Variants in CCDC138 observed in about 807,000 individuals in gnomAD.
The protein encoded by CCDC138 is coiled-coil domain containing 138, also known as coiled-coil domain-containing protein 138.
A neutral mutation model predicts 82.3 loss-of-function variants in CCDC138; 66 were observed. The ratio of observed to expected loss-of-function variants is 0.80; its 90% CI spans 0.66 to 0.98. The LOEUF (loss-of-function observed/expected upper bound fraction) is 0.98, where lower values mean the gene tolerates loss of function less well. Ranked by LOEUF, CCDC138 falls within the 50% of genes least tolerant of loss-of-function variation. The pLI is 0.00. For missense variants in CCDC138, 816 were observed against 758.9 expected, an observed-to-expected ratio of 1.08 and a Z score of -0.88; for synonymous variants, 297 against 265.4, an observed-to-expected ratio of 1.12 and a Z score of -1.16.
chr2:108,819,816 CAA>C (rs1210317656), intron 10 of CCDC138, among the ~76,000 whole-genome samples: 1 of 151,956 alleles, frequency 6.6e-6, no homozygotes, highest in Non-Finnish European at 1.5e-5. Flanking sequence ...TTGATCAAAT[CAA>C]AGAAGAAAAC....
intron 14 of CCDC138, among the ~76,000 whole-genome samples, chr2:108,874,985 T>C (rs1321574008): frequency 6.6e-6 from 1 of 151,916 alleles, no homozygotes; most frequent in African/African-American, 2.4e-5. Flanking sequence ...TGTTTTACTA[T>C]TCATGATGTG....
At chr2:108,862,991 A>C (rs1693867890) in intron 13 of CCDC138, among the ~76,000 whole-genome samples, 1 of 152,160 alleles carries the variant, frequency 6.6e-6, no homozygotes, top group South Asian at 2.1e-4. Flanking sequence ...AAAACTTTGG[A>C]CTATACTCCA....
At chr2:108,877,589 C>CA (rs1436240391), downstream of CCDC138, among the ~76,000 whole-genome samples, 2 of 65,618 alleles carry the variant, frequency 3.0e-5, no homozygotes. Context: ...TCTCGGAACT[C>CA]AGAGTATATA....
At chr2:108,790,476 G>A (rs551732870) in intron 3 of CCDC138, among the ~76,000 whole-genome samples, 12 of 152,212 alleles carry the variant, frequency 7.9e-5, no homozygotes, top group South Asian at 4.2e-4. Context: ...ACTTGAAATG[G>A]GGCTGGTCTG....
At chr2:108,875,004 T>C (rs958021146) in intron 14 of CCDC138, among the ~76,000 whole-genome samples, 6 of 151,942 alleles carry the variant, frequency 3.9e-5, no homozygotes, top group African/African-American at 7.2e-5. Context: ...TGTTTGTAGC[T>C]TAGGTTCATT....
At chr2:108,868,906 AAAAAAATGAAATTTTTTTC>A (rs1173571867) in intron 13 of CCDC138, among the ~76,000 whole-genome samples, 1 of 151,854 alleles carries the variant, frequency 6.6e-6, no homozygotes, top group East Asian at 1.9e-4. Flanking sequence ...TTTGTGAAAG[AAAAAAATGAAATTTTTTTC>A]TATTTGATTA....
At chr2:108,805,227 G>T (rs1682659920) in intron 7 of CCDC138, among the ~76,000 whole-genome samples, 1 of 151,950 alleles carries the variant, frequency 6.6e-6, no homozygotes, top group Non-Finnish European at 1.5e-5. Context: ...ACAAACAAAA[G>T]AAAAAAACCT....
intron 13 of CCDC138, among the ~76,000 whole-genome samples, chr2:108,866,936 C>G (rs1371985670): frequency 6.6e-6 from 1 of 150,816 alleles, no homozygotes; most frequent in Non-Finnish European, 1.5e-5. Flanking sequence ...ATTCCCTTTT[C>G]CTCCCCTGTA....
chr2:108,814,331 A>C lies in CCDC138; in HGVS notation c.1041+1404A>C, dbSNP rs151144074. 7.5e-4 allele frequency among the ~76,000 whole-genome samples: 114 copies of C among 152,244 alleles called. 3 individuals carry two copies. Among genetic ancestry groups the C allele is most frequent in the African/African-American group, 2.6e-3 (110 of 41,550 alleles). On this transcript the variant is annotated intron_variant, in intron 9 of 14. Coordinates refer to ENST00000295124, the MANE Select transcript of CCDC138 (RefSeq NM_144978.3). ...TCCAGTGGGTGTGTAGTAGTATCTT[A>C]TTATGGGCTTTGATCATTTTGATAT...
intron 10 of CCDC138, among the ~76,000 whole-genome samples, chr2:108,827,048 T>G (rs1686734576): frequency 6.6e-6 from 1 of 152,228 alleles, no homozygotes; most frequent in African/African-American, 2.4e-5. Context: ...GATTGTACAT[T>G]ACTAATATAT....
At position 108,873,409 on chromosome 2, in the gene CCDC138, C is replaced by T. The variant is rs201698014; in HGVS notation, c.1694-42C>T. Reference sequence around the variant, plus strand: ...TTAATTTGTTTTTAATTTCCTTTTTCGCTACTCCCTAATAGTAAAGCACTG... The same window carrying T: ...TTAATTTGTTTTTAATTTCCTTTTTTGCTACTCCCTAATAGTAAAGCACTG... On this transcript the variant is annotated intron_variant, in intron 13 of 14. Coordinates refer to ENST00000295124, the MANE Select transcript of CCDC138 (RefSeq NM_144978.3). 1.6e-4 allele frequency: 222 copies of T among 1,430,306 alleles called. 2 individuals carry two copies. The East Asian group carries it at 5.3e-3, about 34-fold the overall frequency. 88.6% of individuals were successfully genotyped at this position (1,430,306 alleles called of 1,614,324 possible).
chr2:108,848,472 A>T (rs1262951540), intron 12 of CCDC138, among the ~76,000 whole-genome samples: 1 of 152,214 alleles, frequency 6.6e-6, no homozygotes, highest in Non-Finnish European at 1.5e-5. Context: ...TAAATAATGG[A>T]TGGATGAATA....
chr2:108,813,477 C>T (rs893005531), intron 9 of CCDC138, among the ~76,000 whole-genome samples: 8 of 152,066 alleles, frequency 5.3e-5, no homozygotes, highest in East Asian at 1.9e-4. Flanking sequence ...GTTTCAGGTA[C>T]GTATCATTGA....
chr2:108,808,304 A>G (rs1333169428), intron 7 of CCDC138, among the ~76,000 whole-genome samples: 1 of 152,240 alleles, frequency 6.6e-6, no homozygotes, highest in East Asian at 1.9e-4. Flanking sequence ...TATTGCAAAT[A>G]CTGCTGCAGT....
downstream of CCDC138, among the ~76,000 whole-genome samples, chr2:108,876,821 A>G (rs1358167267): frequency 6.6e-6 from 1 of 152,164 alleles, no homozygotes; most frequent in African/African-American, 2.4e-5. Context: ...TGGAGCATGT[A>G]TATACAAGGC....
At chr2:108,871,180 T>C (rs1162451468) in intron 13 of CCDC138, among the ~76,000 whole-genome samples, 2 of 151,968 alleles carry the variant, frequency 1.3e-5, no homozygotes, top group African/African-American at 4.8e-5. Context: ...TACATGTTAT[T>C]TAATGAAATA....
At position 108,856,972 on chromosome 2, in the gene CCDC138, T is replaced by TTA; in HGVS notation, c.1693+2_1693+3insTA. 6.4e-7 allele frequency: 1 copy of TTA among 1,563,528 alleles called. No individual in the cohort carries two copies. The highest frequency in any genetic ancestry group is 1.4e-5 in the African/African-American group (1 of 72,956). ...TGCTCCAGATGACGGTGGAATCTAG[T>TTA]AAGTTTTTAAGTTCTATATGTGTAA... is the stretch of plus-strand genomic sequence containing the variant. On this transcript the variant is annotated splice_region_variant and intron_variant, in intron 13 of 14. Coordinates refer to ENST00000295124, the MANE Select transcript of CCDC138 (RefSeq NM_144978.3).
intron 7 of CCDC138, among the ~76,000 whole-genome samples, chr2:108,805,892 T>C (rs1318477266): frequency 1.3e-5 from 2 of 152,154 alleles, no homozygotes; most frequent in Non-Finnish European, 2.9e-5. Flanking sequence ...ATTATGTATA[T>C]ATTAGATTGT....
chr2:108,842,173 G>A (rs1359102455), intron 11 of CCDC138, among the ~76,000 whole-genome samples: 1 of 150,806 alleles, frequency 6.6e-6, no homozygotes, highest in Admixed American at 6.6e-5. Flanking sequence ...GATTACAGAC[G>A]TTCGCCACCA....
Sources: allele counts gnomAD v4.1 joint callset (sites outside exome capture counted in the v4.1 genomes callset), GRCh38; gene constraint gnomAD v4.1.1; transcripts MANE v1.5; gene names NCBI Gene and HGNC (gene_info 2026-07-23, HGNC 2026-07-21).